The following ABHD17C variants were observed in gnomAD, a reference collection of about 807,000 sequenced individuals.
The protein encoded by ABHD17C is alpha/beta hydrolase domain-containing protein 17C.
In ABHD17C, 11 loss-of-function variants were observed where a neutral mutation model predicts 27.9. The ratio of observed to expected loss-of-function variants is 0.39; its 90% confidence interval spans 0.25 to 0.65. The LOEUF (loss-of-function observed/expected upper bound fraction) is 0.65, where lower values mean the gene tolerates loss of function less well. Among genes scored for constraint, ABHD17C ranks in the 30% least tolerant of loss-of-function variants. The probability of loss-of-function intolerance (pLI) is 0.45; values close to 1 mark genes in which losing one functional copy is unlikely to be tolerated. For missense variants in ABHD17C, 280 were observed against 470.2 expected (o/e 0.60, Z 3.74); for synonymous variants, 233 against 209.1 (o/e 1.11, Z -0.98).
intron 1 of ABHD17C, among the ~76,000 whole-genome samples, chr15:80,718,208 C>T (rs1038847362): frequency 9.2e-5 from 14 of 151,904 alleles, no homozygotes; most frequent in South Asian, 2.1e-4. Flanking sequence ...AAAATTTCCC[C>T]CCATAAACTA....
chr15:80,726,869 A>G (rs770079334), intron 1 of ABHD17C, among the ~76,000 whole-genome samples: 1 of 152,176 alleles, frequency 6.6e-6, no homozygotes, highest in Admixed American at 6.5e-5. Context: ...GGAATGTGCC[A>G]TAGCTTTCAT....
chr15:80,745,525 G>A (rs1044764592), intron 1 of ABHD17C, among the ~76,000 whole-genome samples: 4 of 151,900 alleles, frequency 2.6e-5, no homozygotes, highest in Non-Finnish European at 5.9e-5. Flanking sequence ...ACGCCACTTT[G>A]CCCAGCTAAT....
chr15:80,723,536 T>C (rs1894927951), intron 1 of ABHD17C, among the ~76,000 whole-genome samples: 1 of 152,222 alleles, frequency 6.6e-6, no homozygotes, highest in Non-Finnish European at 1.5e-5. Context: ...TGGATAGTAT[T>C]AGGGATTCCA....
chr15:80,699,970 T>C (rs762022130), intron 1 of ABHD17C, among the ~76,000 whole-genome samples: 54 of 152,128 alleles, frequency 3.5e-4, no homozygotes, highest in Non-Finnish European at 6.6e-4. Flanking sequence ...TACAAACAAG[T>C]GAGGGAATGA....
intron 1 of ABHD17C, among the ~76,000 whole-genome samples, chr15:80,736,536 A>AT (rs1567037125): frequency 6.6e-6 from 1 of 152,032 alleles, no homozygotes; most frequent in Non-Finnish European, 1.5e-5. Context: ...TTTAATTTTT[A>AT]TTTTTTTAAT....
chr15:80,708,473 G>A (rs1375217662), intron 1 of ABHD17C, among the ~76,000 whole-genome samples: 1 of 152,050 alleles, frequency 6.6e-6, no homozygotes, highest in African/African-American at 2.4e-5. Flanking sequence ...GTGCCACCAC[G>A]CCCAGCTAAT....
chr15:80,697,533 C>A (rs994992545), intron 1 of ABHD17C, among the ~76,000 whole-genome samples: 2 of 152,108 alleles, frequency 1.3e-5, no homozygotes, highest in African/African-American at 4.8e-5. Flanking sequence ...GTCCACATTA[C>A]AATGAAAGCC....
chr15:80,748,036 G>A (rs1048761816), intron 1 of ABHD17C, among the ~76,000 whole-genome samples: 2 of 152,152 alleles, frequency 1.3e-5, no homozygotes, highest in East Asian at 1.9e-4. Context: ...TGCGTTGCAC[G>A]TCTCCCATAG....
intron 1 of ABHD17C, among the ~76,000 whole-genome samples, chr15:80,715,757 GTATT>G (rs1366950514): frequency 1.3e-5 from 2 of 152,116 alleles, no homozygotes; most frequent in Non-Finnish European, 2.9e-5. Context: ...AGGTTTCCAT[GTATT>G]TCTTTCGACT....
intron 1 of ABHD17C, among the ~76,000 whole-genome samples, chr15:80,736,325 A>G (rs1895129694): frequency 6.6e-6 from 1 of 152,238 alleles, no homozygotes; most frequent in Admixed American, 6.5e-5. Flanking sequence ...AACAATAAGT[A>G]CATTTTAGGT....
chr15:80,714,992 A>G (rs1028120067), intron 1 of ABHD17C, among the ~76,000 whole-genome samples: 14 of 152,208 alleles, frequency 9.2e-5, no homozygotes, highest in African/African-American at 3.4e-4. Context: ...AGCGTTAGCC[A>G]GGATGGTCTC....
chr15:80,733,582 C>G (rs1198835687), intron 1 of ABHD17C, among the ~76,000 whole-genome samples: 1 of 152,206 alleles, frequency 6.6e-6, no homozygotes, highest in Non-Finnish European at 1.5e-5. Flanking sequence ...ACAGGTCATA[C>G]ACGTTCTCTA....
chr15:80,726,851 G>A (rs1217611501), intron 1 of ABHD17C, among the ~76,000 whole-genome samples: 7 of 152,152 alleles, frequency 4.6e-5, no homozygotes, highest in Admixed American at 3.9e-4. Context: ...CCTTTGCATT[G>A]TAGTTAAGGA....
intron 1 of ABHD17C, among the ~76,000 whole-genome samples, chr15:80,707,175 A>G (rs1056151865): frequency 6.6e-6 from 1 of 152,228 alleles, no homozygotes; most frequent in Non-Finnish European, 1.5e-5. Flanking sequence ...CAGTATCCCA[A>G]TGGGGTGCAT....
intron 1 of ABHD17C, among the ~76,000 whole-genome samples, chr15:80,721,839 C>T (rs1470404982): frequency 6.6e-6 from 1 of 151,930 alleles, no homozygotes; most frequent in Admixed American, 6.5e-5. Context: ...TTGTGGTAGA[C>T]TTTGTTTCTG....
intron 1 of ABHD17C, among the ~76,000 whole-genome samples, chr15:80,712,295 C>A (rs1259045804): frequency 6.6e-6 from 1 of 152,164 alleles, no homozygotes; most frequent in Non-Finnish European, 1.5e-5. Flanking sequence ...AGAGCTCTTT[C>A]TTTTCAGGTT....
At chr15:80,724,149 G>A (rs577935619) in intron 1 of ABHD17C, among the ~76,000 whole-genome samples, 4 of 152,052 alleles carry the variant, frequency 2.6e-5, no homozygotes, top group Admixed American at 6.6e-5. Flanking sequence ...ACCAGCCTGG[G>A]CAACAAGGCA....
rs543827745 is a variant in ABHD17C at position 80,750,249 on chromosome 15, C to T, written c.770+557C>T. Among the ~76,000 whole-genome samples the T allele has an allele frequency of 5.9e-5, 9 of 152,302 alleles. No individual in the cohort carries two copies. In the South Asian group the frequency reaches 1.2e-3, roughly 21 times the overall value. ...ACTCGACAAGCCAGGCTTTGATCTTCGGTAAATAGCCACAGGAATGGTATA... is the reference window on the plus strand; with the variant it reads ...ACTCGACAAGCCAGGCTTTGATCTTTGGTAAATAGCCACAGGAATGGTATA... On this transcript the variant is annotated intron_variant, in intron 2 of 2. Coordinates refer to ENST00000258884, the MANE Select transcript of ABHD17C (RefSeq NM_021214.2).
intron 1 of ABHD17C, among the ~76,000 whole-genome samples, chr15:80,741,600 T>A (rs1895212891): frequency 6.6e-6 from 1 of 152,178 alleles, no homozygotes; most frequent in Non-Finnish European, 1.5e-5. Flanking sequence ...AGTTGAGAAC[T>A]TCCTATTCAC....
Sources: gnomAD v4.1 joint callset for allele counts (sites outside exome capture counted in the v4.1 genomes callset) on GRCh38, gnomAD v4.1.1 for gene constraint, MANE v1.5 for transcripts, NCBI Gene and HGNC (gene_info 2026-07-23, HGNC 2026-07-21) for gene names.